Variants in ZNF407 observed in about 807,000 individuals in gnomAD.
The protein encoded by ZNF407 is zinc finger protein 407.
Under a neutral mutation model 131.2 loss-of-function variants are expected in ZNF407, and 17 were observed. The observed-to-expected ratio is 0.13, with a 90% CI of 0.09 to 0.19. ZNF407 has a LOEUF of 0.19. Ranked by LOEUF, ZNF407 falls within the 10% of genes least tolerant of loss-of-function variation. ZNF407 has a pLI of 1.00. For synonymous variants in ZNF407, 1,156 were observed against 1,062.0 expected (o/e 1.09, Z -1.72); for missense variants, 2,681 against 2,830.6 (o/e 0.95, Z 1.20).
At chr18:74,935,386 G>T (rs190850585) in intron 8 of ZNF407, among the ~76,000 whole-genome samples, 1 of 152,292 alleles carries the variant, frequency 6.6e-6, no homozygotes, top group Non-Finnish European at 1.5e-5. Flanking sequence ...ACACTGAAAT[G>T]TGGTACTTCT....
At chr18:74,641,201 G>T in intron 3 of ZNF407, 79 bp downstream of exon 3, 1 of 1,170,272 alleles carries the variant, frequency 8.5e-7, no homozygotes, top group Non-Finnish European at 1.3e-6. Flanking sequence ...ATTCAAAACC[G>T]ATAGGAGTAA....
chr18:74,824,557 A>G (rs1970383675), intron 4 of ZNF407, among the ~76,000 whole-genome samples: 2 of 152,198 alleles, frequency 1.3e-5, no homozygotes, highest in Non-Finnish European at 2.9e-5. Flanking sequence ...CAGAAATACA[A>G]ACTACCATCA....
intron 3 of ZNF407, among the ~76,000 whole-genome samples, chr18:74,688,734 T>C (rs372085059): frequency 1.3e-5 from 2 of 152,312 alleles, no homozygotes; most frequent in African/African-American, 4.8e-5. Flanking sequence ...TTTTAATGCA[T>C]GTGGGTATTC....
chr18:74,619,948 T>C (rs1395513466), intron 1 of ZNF407, among the ~76,000 whole-genome samples: 3 of 152,246 alleles, frequency 2.0e-5, no homozygotes, highest in African/African-American at 7.2e-5. Flanking sequence ...TTTAATGGCA[T>C]TGAATTTTTT....
chr18:74,652,125 A>G (rs561255418), intron 3 of ZNF407, among the ~76,000 whole-genome samples: 4 of 151,946 alleles, frequency 2.6e-5, no homozygotes, highest in African/African-American at 9.7e-5. Flanking sequence ...CCTTTTTTCT[A>G]CCCTTTTAAA....
At chr18:74,779,519 G>A (rs2145023213) in intron 3 of ZNF407, among the ~76,000 whole-genome samples, 1 of 152,160 alleles carries the variant, frequency 6.6e-6, no homozygotes, top group Non-Finnish European at 1.5e-5. Flanking sequence ...AGTGTTGGTT[G>A]AATAAATATT....
chr18:74,951,990 T>C (rs1024159358), intron 8 of ZNF407, among the ~76,000 whole-genome samples: 2 of 152,132 alleles, frequency 1.3e-5, no homozygotes, highest in African/African-American at 4.8e-5. Flanking sequence ...TACAAAGTAG[T>C]GATCCCTGGC....
In ZNF407 at chr18:74,865,755, A is replaced by G. The variant is rs563627991; in HGVS notation, c.4878-11442A>G. Among the ~76,000 whole-genome samples the G allele has an allele frequency of 2.0e-5, 3 of 152,368 alleles. No homozygotes were observed. The South Asian group carries it at 6.2e-4, about 32-fold the overall frequency. On this transcript the variant is annotated intron_variant, in intron 4 of 8. Coordinates refer to ENST00000299687, the MANE Select transcript of ZNF407 (RefSeq NM_017757.3). ...TGCAAATCTGTTTTGTAAAAAATTC[A>G]TAATTGCACACATCCAATTTTAAAA...
At chr18:75,035,745 T>C (rs972052790) in intron 8 of ZNF407, among the ~76,000 whole-genome samples, 4 of 152,348 alleles carry the variant, frequency 2.6e-5, no homozygotes, top group Non-Finnish European at 4.4e-5. Context: ...TGATTACCAA[T>C]GGGCATTGCG....
intron 4 of ZNF407, among the ~76,000 whole-genome samples, chr18:74,828,235 G>T (rs1346380033): frequency 6.6e-6 from 1 of 152,152 alleles, no homozygotes; most frequent in East Asian, 1.9e-4. Flanking sequence ...ACAGAAAGTT[G>T]TAGGCATTCC....
intron 8 of ZNF407, among the ~76,000 whole-genome samples, chr18:75,003,631 C>T (rs181152937): frequency 5.9e-5 from 9 of 152,246 alleles, no homozygotes; most frequent in East Asian, 1.9e-4. Context: ...CAAACTTTTA[C>T]GTGTCAAGAT....
intron 3 of ZNF407, among the ~76,000 whole-genome samples, chr18:74,773,259 G>A (rs1443102294): frequency 1.6e-4 from 24 of 151,812 alleles, no homozygotes; most frequent in Non-Finnish European, 3.4e-4. Context: ...AAGTGGTTTG[G>A]AACTATCAGT....
At chr18:74,767,499 G>C (rs1299677420) in intron 3 of ZNF407, among the ~76,000 whole-genome samples, 1 of 151,758 alleles carries the variant, frequency 6.6e-6, no homozygotes, top group Non-Finnish European at 1.5e-5. Flanking sequence ...TCTAATTTTT[G>C]TATAATTGTA....
At chr18:74,789,688 G>C (rs563414989) in intron 4 of ZNF407, among the ~76,000 whole-genome samples, 2 of 152,048 alleles carry the variant, frequency 1.3e-5, no homozygotes, top group Non-Finnish European at 2.9e-5. Flanking sequence ...TGTGGCATTC[G>C]TCCTGGAACT....
chr18:74,631,924 A>G lies in ZNF407; in HGVS notation c.905A>G (p.His302Arg). 1 of 1,613,980 alleles carries G rather than the reference A, an allele frequency of 6.2e-7. No individual in the cohort carries two copies. The highest frequency in any genetic ancestry group is 8.5e-7 in the Non-Finnish European group (1 of 1,179,906). ...KSRTMATKNV[H>R]SKPRTSKSIA... ...CGTACAATGGCAACAAAAAATGTTC[A>G]CTCAAAACCAAGAACTTCTAAATCA... The change falls in exon 2 of 9, where the codon CAC (histidine) becomes CGC (arginine). Residue 302 changes from histidine to arginine, a missense_variant. This residue lies in a region of ZNF407 where 1,789 missense variants were observed against 1,748.7 expected (regional missense o/e 1.02). Coordinates refer to ENST00000299687, the MANE Select transcript of ZNF407 (RefSeq NM_017757.3).
At chr18:74,690,059 A>G (rs1599071692) in intron 3 of ZNF407, among the ~76,000 whole-genome samples, 1 of 152,246 alleles carries the variant, frequency 6.6e-6, no homozygotes, top group Non-Finnish European at 1.5e-5. Flanking sequence ...CTCTAAAAAA[A>G]AGCTAAATTG....
At chr18:74,880,959 A>G in intron 5 of ZNF407, 77 bp from the exon 6 acceptor site, 4 of 1,224,734 alleles carry the variant, frequency 3.3e-6, no homozygotes, top group Non-Finnish European at 4.7e-6. Flanking sequence ...AGGAATTAGT[A>G]ACCCTGAAAG....
At chr18:74,627,836 G>A (rs11877756) in intron 1 of ZNF407, among the ~76,000 whole-genome samples, 9 of 55,700 alleles carry the variant, frequency 1.6e-4, no homozygotes, top group Non-Finnish European at 3.0e-4. Context: ...GCCCTGCCCC[G>A]CCCCACCCCG....
intron 8 of ZNF407, among the ~76,000 whole-genome samples, chr18:74,964,447 A>C (rs1392056588): frequency 6.6e-6 from 1 of 152,192 alleles, no homozygotes; most frequent in Non-Finnish European, 1.5e-5. Flanking sequence ...TTTCAAAAGC[A>C]CTTTTTTTGT....
Sources: gnomAD v4.1 joint callset for allele counts (sites outside exome capture counted in the v4.1 genomes callset) on GRCh38, gnomAD v4.1.1 for gene constraint, gnomAD v4.1.1 regional missense constraint, MANE v1.5 for transcripts, NCBI Gene and HGNC (gene_info 2026-07-23, HGNC 2026-07-21) for gene names.